ABL1: variants seen among roughly 807,000 people sequenced by gnomAD.
ABL1 encodes tyrosine-protein kinase ABL1.
Under a neutral mutation model 94.7 loss-of-function variants are expected in ABL1, and 11 were observed. The observed-to-expected ratio is 0.12, with a 90% confidence interval of 0.07 to 0.19. The LOEUF (loss-of-function observed/expected upper bound fraction) is 0.19, where lower values mean the gene tolerates loss of function less well. Ranked by LOEUF, ABL1 falls within the 10% of genes least tolerant of loss-of-function variation. The pLI, the probability that ABL1 is intolerant of heterozygous loss-of-function variation, is 1.00. For missense variants in ABL1, 1,082 were observed against 1,489.4 expected, an observed-to-expected ratio of 0.73 and a Z score of 4.50; for synonymous variants, 656 against 622.4, an observed-to-expected ratio of 1.05 and a Z score of -0.80.
chr9:130,737,454 G>C (rs1831758027), intron 1 of ABL1, among the ~76,000 whole-genome samples: 1 of 151,636 alleles, frequency 6.6e-6, no homozygotes, highest in Admixed American at 6.6e-5. Context: ...CTTTTGTAGA[G>C]ATGGGGGTTT....
chr9:130,718,225 G>C (rs979024432), intron 1 of ABL1, among the ~76,000 whole-genome samples: 1 of 150,542 alleles, frequency 6.6e-6, no homozygotes, highest in African/African-American at 2.5e-5. Context: ...GGCTGAGGCA[G>C]GAGAATATCT....
At chr9:130,856,961 G>T (rs951669944) in intron 3 of ABL1, among the ~76,000 whole-genome samples, 1 of 152,116 alleles carries the variant, frequency 6.6e-6, no homozygotes, top group African/African-American at 2.4e-5. Flanking sequence ...TCAAAAATCT[G>T]GTTCTGCTGT....
In ABL1 at chr9:130,772,039, C is replaced by A. The variant is rs145757752; in HGVS notation, c.136+57584C>A. ...AAAGTGCTGGGATTACAGGCATGAG[C>A]CACTGCGCCCAGCCAAAAGTTGGTG... On this transcript the variant is annotated intron_variant, in intron 1 of 10. Coordinates refer to the ABL1 transcript ENST00000372348. Among the ~76,000 whole-genome samples the A allele has an allele frequency of 1.4e-4, 22 of 152,316 alleles. No individual in the cohort carries two copies. The East Asian group carries it at 4.1e-3, about 28-fold the overall frequency.
intron 3 of ABL1, among the ~76,000 whole-genome samples, chr9:130,860,828 T>C (rs953297565): frequency 2.0e-5 from 3 of 152,326 alleles, no homozygotes; most frequent in Middle Eastern, 3.4e-3. Flanking sequence ...ATCGGACAGC[T>C]GACAGTCTTT....
chr9:130,772,599 G>A (rs879358808), intron 1 of ABL1, among the ~76,000 whole-genome samples: 3 of 152,170 alleles, frequency 2.0e-5, no homozygotes, highest in Non-Finnish European at 4.4e-5. Context: ...ACGGGATCTG[G>A]GCATATGAAG....
chr9:130,724,770 A>G (rs966044834), intron 1 of ABL1: 3 of 453,398 alleles, frequency 6.6e-6, no homozygotes, highest in Admixed American at 2.4e-5. Context: ...AAAAAAAAAA[A>G]GCAAATAAAT....
At position 130,751,195 on chromosome 9, in the gene ABL1, A is replaced by T. The variant is rs181123557; in HGVS notation, c.136+36740A>T. On this transcript the variant is annotated intron_variant, in intron 1 of 10. Coordinates refer to the ABL1 transcript ENST00000372348. ...CTCACTCTGTTGCCCAGGCTGGAGT[A>T]CAGTGGCGCGATCTCGGCTCACTGC... Among the ~76,000 whole-genome samples the T allele has an allele frequency of 8.8e-3, 958 of 109,094 alleles. 12 individuals carry two copies. Among genetic ancestry groups the T allele is most frequent in the African/African-American group, 0.032 (891 of 27,494 alleles). The allele number at this position is 109,094 out of a possible 152,430, so 71.6% of individuals were successfully genotyped here.
intron 1 of ABL1, among the ~76,000 whole-genome samples, chr9:130,766,918 C>A (rs1222142283): frequency 6.6e-6 from 1 of 152,094 alleles, no homozygotes; most frequent in East Asian, 1.9e-4. Flanking sequence ...CGATGGGTAC[C>A]CATCTCAGTT....
chr9:130,732,450 T>TAA (rs1831678918), intron 1 of ABL1, among the ~76,000 whole-genome samples: 1 of 152,164 alleles, frequency 6.6e-6, no homozygotes, highest in Admixed American at 6.6e-5. Flanking sequence ...GCAGTATCCT[T>TAA]TATCTATAAT....
chr9:130,714,299 A>AG (rs757829026), exon 1 of ABL1: 9 of 1,563,208 alleles, frequency 5.8e-6, no homozygotes, highest in African/African-American at 1.4e-5. Context: ...TCTTCTGGAA[A>AG]GGGGTACCTA....
chr9:130,769,088 T>G (rs969336106), intron 1 of ABL1, among the ~76,000 whole-genome samples: 2 of 152,138 alleles, frequency 1.3e-5, no homozygotes, highest in African/African-American at 4.8e-5. Flanking sequence ...TTATTTCACA[T>G]ACATCTGTCA....
At chr9:130,760,376 G>T (rs187559891) in intron 1 of ABL1, among the ~76,000 whole-genome samples, 1 of 152,208 alleles carries the variant, frequency 6.6e-6, no homozygotes, top group East Asian at 1.9e-4. Flanking sequence ...CTGTCCCCCT[G>T]ATCATTACTG....
chr9:130,826,347 T>A (rs979939852), intron 1 of ABL1, among the ~76,000 whole-genome samples: 4 of 151,896 alleles, frequency 2.6e-5, no homozygotes, highest in Non-Finnish European at 1.5e-5. Context: ...TCTCAAACTC[T>A]TGAGCTCAAA....
chr9:130,872,757 G>A lies in ABL1; in HGVS notation c.908-103G>A. 1.6e-6 allele frequency: 2 copies of A among 1,259,238 alleles called. No homozygotes were observed. The highest frequency in any genetic ancestry group is 2.2e-6 in the Non-Finnish European group (2 of 900,866). The allele number at this position is 1,259,238 out of a possible 1,614,324, so 78.0% of individuals were successfully genotyped here. The stretch of plus-strand genomic sequence containing the variant: ...CATGTTGGAAGTTGGGCCCAGGACT[G>A]AGGAGCAGAGTCAGAATCCTTCAGA... On this transcript the variant is annotated intron_variant, in intron 5 of 10. Coordinates refer to ENST00000318560, the MANE Select transcript of ABL1 (RefSeq NM_005157.6). The surrounding 1 kb of genome is among the most constrained non-coding windows in gnomAD (Gnocchi z 5.0).
chr9:130,759,924 C>T (rs1217074729), intron 1 of ABL1, among the ~76,000 whole-genome samples: 1 of 150,918 alleles, frequency 6.6e-6, no homozygotes, highest in Non-Finnish European at 1.5e-5. Context: ...TCTCAACTAG[C>T]TGGGACTACG....
At chr9:130,755,416 C>G (rs1422369708) in intron 1 of ABL1, among the ~76,000 whole-genome samples, 1 of 152,130 alleles carries the variant, frequency 6.6e-6, no homozygotes, top group Admixed American at 6.5e-5. Context: ...TGAGGCTTTG[C>G]TTGTCGACCT....
intron 1 of ABL1, among the ~76,000 whole-genome samples, chr9:130,743,714 C>A (rs886259218): frequency 1.3e-5 from 2 of 152,144 alleles, no homozygotes; most frequent in South Asian, 4.1e-4. Context: ...TATTATGTTA[C>A]CGAAGCCAAT....
intron 1 of ABL1, among the ~76,000 whole-genome samples, chr9:130,776,857 G>A (rs373097889): frequency 1.7e-4 from 26 of 152,276 alleles, no homozygotes; most frequent in Admixed American, 8.5e-4. Context: ...CTCCCAGAGC[G>A]CTGGGGATAC....
intron 7 of ABL1, 77 bp downstream of exon 7, chr9:130,875,129 C>A: frequency 6.9e-7 from 1 of 1,440,188 alleles, no homozygotes; most frequent in East Asian, 2.3e-5. Context: ...TTGCTCTTCC[C>A]TTTCTTTTCT....
Sources: gnomAD v4.1 joint callset for allele counts (sites outside exome capture counted in the v4.1 genomes callset) on GRCh38, gnomAD v4.1.1 for gene constraint, Gnocchi (gnomAD v3.1) non-coding constraint, MANE v1.5 for transcripts, NCBI Gene and HGNC (gene_info 2026-07-23, HGNC 2026-07-21) for gene names.